The following ZSWIM6 variants were observed in gnomAD, a reference collection of about 807,000 sequenced individuals.
ZSWIM6 encodes the protein zinc finger SWIM domain-containing protein 6.
ZSWIM6 carries 9 observed loss-of-function variants against 113.2 expected under a neutral mutation model. That is an observed-to-expected ratio of 0.08 (90% confidence interval 0.05 to 0.14). The LOEUF (loss-of-function observed/expected upper bound fraction) is 0.14, where lower values mean the gene tolerates loss of function less well. Ranked by LOEUF, ZSWIM6 falls within the 10% of genes least tolerant of loss-of-function variation. ZSWIM6 has a pLI of 1.00. For synonymous variants in ZSWIM6, 611 were observed against 606.5 expected (o/e 1.01, Z -0.11); for missense variants, 1,162 against 1,552.2 (o/e 0.75, Z 4.22).
intron 1 of ZSWIM6, among the ~76,000 whole-genome samples, chr5:61,408,898 G>A (rs528587929): frequency 6.6e-6 from 1 of 152,266 alleles, no homozygotes; most frequent in South Asian, 2.1e-4. Flanking sequence ...ACAGCGCGAG[G>A]GGCGGGGTTG....
intron 4 of ZSWIM6, among the ~76,000 whole-genome samples, chr5:61,511,490 T>C (rs1336772326): frequency 6.6e-6 from 1 of 152,184 alleles, no homozygotes; most frequent in East Asian, 1.9e-4. Context: ...GTTGAAATTC[T>C]AACCCCAAGG....
rs1228304711 is a variant in ZSWIM6, at chr5:61,332,390, T to G, written c.118T>G (p.Ser40Ala). The change falls in exon 1 of 14, where the codon TCT becomes GCT. Residue 40 changes from serine to alanine, a missense_variant. By Grantham distance (99) the Ser-to-Ala change is moderately conservative. Around this residue, in one of 4 missense-constraint regions of ZSWIM6, gnomAD observed 333 missense variants for 293.4 expected, o/e 1.13. Transcript: ENST00000252744. ...CGGCGGCGCGGGTGGCGGCTACAGC[T>G]CTGCCTGTCGGCCAGGCCCGCGGGC... ...GGGGAGGGYS[S>A]ACRPGPRAGG... 22 of 985,310 alleles carry G rather than the reference T, an allele frequency of 2.2e-5. No individual in the cohort carries two copies. The highest frequency in any genetic ancestry group is 2.5e-5 in the Non-Finnish European group (21 of 832,820). 61.0% of individuals were successfully genotyped at this position (985,310 alleles called of 1,614,324 possible).
chr5:61,462,502 C>G (rs1370823858), intron 1 of ZSWIM6, among the ~76,000 whole-genome samples: 2 of 152,110 alleles, frequency 1.3e-5, no homozygotes, highest in Non-Finnish European at 2.9e-5. Flanking sequence ...GACGGCAGTT[C>G]TATTAGTTTG....
chr5:61,529,869 G>C (rs1181294298), intron 7 of ZSWIM6, among the ~76,000 whole-genome samples, 183 bp from the exon 8 acceptor site: 1 of 152,198 alleles, frequency 6.6e-6, no homozygotes, highest in Non-Finnish European at 1.5e-5. Context: ...ACTCAAAATA[G>C]TTGACAAGTT....
At chr5:61,487,399 G>A (rs577246941) in intron 2 of ZSWIM6, among the ~76,000 whole-genome samples, 19 of 151,984 alleles carry the variant, frequency 1.3e-4, no homozygotes, top group African/African-American at 4.6e-4. Flanking sequence ...GGTTCCATAT[G>A]AATTTTAGGA....
rs1342121131 is a variant in ZSWIM6 at position 61,545,640 on chromosome 5, T to C, written c.*1323T>C. The C allele has an allele frequency of 6.6e-6, 1 of 152,160 alleles. No homozygotes were observed. Among genetic ancestry groups the C allele is most frequent in the East Asian group, 1.9e-4 (1 of 5,202 alleles). 9.4% of individuals were successfully genotyped at this position (152,160 alleles called of 1,614,324 possible). ...ACAGAAAGTTGTGTAGGTATGACTG[T>C]TCTACTTTTCAGTTTTCTTTTTTTT... On this transcript the variant is annotated 3_prime_UTR_variant, in exon 14 of 14. Coordinates refer to ENST00000252744, the MANE Select transcript of ZSWIM6 (RefSeq NM_020928.2).
At chr5:61,391,959 G>A in intron 1 of ZSWIM6, 1 of 510,796 alleles carries the variant, frequency 2.0e-6, no homozygotes, top group African/African-American at 1.9e-5. Flanking sequence ...CAGTGGGCTT[G>A]TACGGGTCTA....
intron 1 of ZSWIM6, among the ~76,000 whole-genome samples, chr5:61,409,094 TC>T (rs11289726): frequency 0.39 from 45,576 of 115,386 alleles, 8,973 homozygotes; most frequent in African/African-American, 0.56. Flanking sequence ...TTTTTTTTTT[TC>T]CCGTTTTTGA....
chr5:61,507,091 C>A (rs1489974179), intron 4 of ZSWIM6, among the ~76,000 whole-genome samples: 1 of 152,196 alleles, frequency 6.6e-6, no homozygotes, highest in East Asian at 1.9e-4. Context: ...TCAGCCCCCA[C>A]CGGCTTCTCC....
chr5:61,427,651 A>AT (rs924324982), intron 1 of ZSWIM6, among the ~76,000 whole-genome samples: 60 of 148,054 alleles, frequency 4.1e-4, no homozygotes, highest in East Asian at 7.9e-4. Context: ...GTTAATTTTT[A>AT]TTTTTTTTTT....
At chr5:61,412,739 A>G (rs1337879908) in intron 1 of ZSWIM6, among the ~76,000 whole-genome samples, 1 of 152,166 alleles carries the variant, frequency 6.6e-6, no homozygotes, top group Non-Finnish European at 1.5e-5. Flanking sequence ...GTCCATCTTG[A>G]ATATTAATTT....
intron 1 of ZSWIM6, among the ~76,000 whole-genome samples, chr5:61,453,667 C>T: frequency 6.6e-6 from 1 of 151,970 alleles, no homozygotes; most frequent in Non-Finnish European, 1.5e-5. Context: ...TAAGCCACCA[C>T]ACCCAGCCAC....
chr5:61,398,296 T>A (rs1195205516), intron 1 of ZSWIM6, among the ~76,000 whole-genome samples: 1 of 152,184 alleles, frequency 6.6e-6, no homozygotes, highest in African/African-American at 2.4e-5. Context: ...AACCTTATTG[T>A]GAACTGTGTA....
chr5:61,438,012 TC>T (rs1746746384), intron 1 of ZSWIM6, among the ~76,000 whole-genome samples: 1 of 152,158 alleles, frequency 6.6e-6, no homozygotes, highest in Admixed American at 6.6e-5. Flanking sequence ...ACTCTCAGTT[TC>T]CTGCTGAGTA....
At chr5:61,348,993 AC>A (rs1360982966) in intron 1 of ZSWIM6, among the ~76,000 whole-genome samples, 6 of 152,068 alleles carry the variant, frequency 3.9e-5, no homozygotes, top group Non-Finnish European at 8.8e-5. Context: ...AAAATGAGGG[AC>A]AGTTTTTTTT....
chr5:61,332,977 TGTCC>T, intron 1 of ZSWIM6, 29 bp downstream of exon 1: 1 of 894,890 alleles, frequency 1.1e-6, no homozygotes, highest in South Asian at 2.8e-5. Flanking sequence ...GCGAGCCGTC[TGTCC>T]GTCCGTCAGT....
At chr5:61,453,461 G>A (rs759184008) in intron 1 of ZSWIM6, among the ~76,000 whole-genome samples, 4 of 150,844 alleles carry the variant, frequency 2.7e-5, no homozygotes, top group Non-Finnish European at 5.9e-5. Flanking sequence ...CTGCAGCCTG[G>A]ACCTCCTGGG....
At chr5:61,369,325 C>G (rs544243183) in intron 1 of ZSWIM6, among the ~76,000 whole-genome samples, 56 of 152,316 alleles carry the variant, frequency 3.7e-4, no homozygotes, top group African/African-American at 1.3e-3. Context: ...AGCCAAGTTA[C>G]TATATTACAG....
At chr5:61,484,071 T>G (rs1747951201) in intron 2 of ZSWIM6, among the ~76,000 whole-genome samples, 1 of 152,132 alleles carries the variant, frequency 6.6e-6, no homozygotes. Flanking sequence ...GGAGGGTATC[T>G]GAATGGTGAC....
Sources: gnomAD v4.1 joint callset for allele counts (sites outside exome capture counted in the v4.1 genomes callset) on GRCh38, gnomAD v4.1.1 for gene constraint, gnomAD v4.1.1 regional missense constraint, MANE v1.5 for transcripts, NCBI Gene and HGNC (gene_info 2026-07-23, HGNC 2026-07-21) for gene names.